The following XDH variants were observed in gnomAD, a reference collection of about 807,000 sequenced individuals.
XDH encodes xanthine dehydrogenase, also known as xanthine dehydrogenase/oxidase.
In XDH, 138 loss-of-function variants were observed where a neutral mutation model predicts 156.1. That is an observed-to-expected ratio of 0.88 (90% CI 0.77 to 1.02). XDH has a LOEUF of 1.02. XDH is among the 50% of genes least tolerant of loss of function. The pLI, the probability that XDH is intolerant of heterozygous loss-of-function variation, is 0.00. For synonymous variants in XDH, 669 were observed against 625.7 expected (o/e 1.07, Z -1.03); for missense variants, 1,849 against 1,684.9 (o/e 1.10, Z -1.71).
chr2:31,354,206 A>C (rs1279559031), intron 24 of XDH, among the ~76,000 whole-genome samples: 2 of 152,212 alleles, frequency 1.3e-5, no homozygotes. Flanking sequence ...CAAGATTTCT[A>C]CCTCTACCTA....
intron 7 of XDH, 148 bp from the exon 8 acceptor site, chr2:31,388,045 A>G: frequency 9.0e-7 from 1 of 1,106,236 alleles, no homozygotes; most frequent in Non-Finnish European, 1.3e-6. Flanking sequence ...GGCAGGAATG[A>G]GAGAGTCTCA....
intron 9 of XDH, among the ~76,000 whole-genome samples, 173 bp downstream of exon 9, chr2:31,386,241 C>T (rs1385881505): frequency 2.0e-5 from 3 of 152,126 alleles, no homozygotes; most frequent in Non-Finnish European, 4.4e-5. Flanking sequence ...CAGCTAGGGG[C>T]CTTTGCAGGA....
chr2:31,387,706 A>C (rs1487031923), intron 8 of XDH, 105 bp downstream of exon 8: 1 of 1,106,236 alleles, frequency 9.0e-7, no homozygotes, highest in Non-Finnish European at 1.3e-6. Flanking sequence ...CTGAAACATA[A>C]AGGACAAGAA....
At chr2:31,397,567 T>C (rs1177781410) in intron 6 of XDH, 101 bp downstream of exon 6, 4 of 1,392,516 alleles carry the variant, frequency 2.9e-6, no homozygotes, top group Admixed American at 1.7e-5. Flanking sequence ...CTTATCATCA[T>C]TGTTTGTAGA....
At chr2:31,367,113 G>A in intron 20 of XDH, 119 bp from the exon 21 acceptor site, 1 of 1,532,392 alleles carries the variant, frequency 6.5e-7, no homozygotes. Context: ...TACCTGAGGG[G>A]TAACCTCAAG....
intron 9 of XDH, chr2:31,384,304 G>C (rs988361935): frequency 5.5e-6 from 1 of 181,086 alleles, no homozygotes; most frequent in African/African-American, 2.4e-5. Context: ...GCACAGAAAA[G>C]TTAAGTTTCT....
chr2:31,365,580 C>A (rs1266888080), intron 22 of XDH, 36 bp from the exon 23 acceptor site: 1 of 1,609,786 alleles, frequency 6.2e-7, no homozygotes, highest in South Asian at 1.1e-5. Context: ...GCCTGTGAGC[C>A]TTCAACAGCA....
chr2:31,377,044 A>C lies in XDH; in HGVS notation c.1427+9T>G. ...TTAGCAGCAGTTTCATTGTGCTGTT[A>C]GCTCTTACTTGGAAAGCTGCCTCTG... On this transcript the variant is annotated intron_variant, in intron 14 of 35. Transcript: ENST00000379416. 6.2e-7 allele frequency: 1 copy of C among 1,614,144 alleles called. No homozygotes were observed. Among genetic ancestry groups the C allele is most frequent in the South Asian group, 1.1e-5 (1 of 91,086 alleles).
chr2:31,358,786 A>C (rs1379680835), intron 24 of XDH, among the ~76,000 whole-genome samples: 1 of 152,154 alleles, frequency 6.6e-6, no homozygotes, highest in Non-Finnish European at 1.5e-5. Context: ...TACAAAAAAC[A>C]AACAAACAAA....
intron 29 of XDH, 21 bp downstream of exon 29, chr2:31,347,501 G>A (rs1305206079): frequency 6.8e-6 from 11 of 1,612,966 alleles, no homozygotes; most frequent in South Asian, 4.4e-5. Flanking sequence ...TCTGCTCTGC[G>A]GGATCCCATG....
At chr2:31,373,474 C>T (rs993082913) in intron 16 of XDH, among the ~76,000 whole-genome samples, 3 of 152,170 alleles carry the variant, frequency 2.0e-5, no homozygotes, top group Admixed American at 2.0e-4. Context: ...AAAATGTTTT[C>T]AGGAAAAGTT....
chr2:31,373,118 G>C lies in XDH; in HGVS notation c.1687-721C>G, dbSNP rs957990894. Among the ~76,000 whole-genome samples the C allele has an allele frequency of 6.6e-5, 10 of 152,212 alleles. No individual in the cohort carries two copies. The East Asian group carries it at 1.9e-3, about 29-fold the overall frequency. ...ATCCTCAAAACCATCTTATGAAACA[G>C]GTATGTGATTATCCACATTTGCAGG... is the stretch of plus-strand genomic sequence containing the variant. On this transcript the variant is annotated intron_variant, in intron 16 of 35. Coordinates refer to ENST00000379416, the MANE Select transcript of XDH (RefSeq NM_000379.4).
chr2:31,388,137 C>G, intron 7 of XDH, 90 bp downstream of exon 7: 1 of 1,456,488 alleles, frequency 6.9e-7, no homozygotes, highest in Non-Finnish European at 9.6e-7. Flanking sequence ...CCTCTTCCAG[C>G]CCCCACCGCC....
chr2:31,364,276 A>C lies in XDH; in HGVS notation c.2545-32T>G, dbSNP rs6760292. The C allele has an allele frequency of 1.9e-3, 2,998 of 1,609,196 alleles. 50 individuals are homozygous for C. The African/African-American group carries it at 0.036, about 19-fold the overall frequency. On this transcript the variant is annotated intron_variant, in intron 23 of 35. Transcript: ENST00000379416. ...AAAGGAGAAAGGAGAGGGATTTATCATAAGTCCCGTTTCCCCCACCTCTCT... is the reference window on the plus strand; with the variant it reads ...AAAGGAGAAAGGAGAGGGATTTATCCTAAGTCCCGTTTCCCCCACCTCTCT...
rs1416637651 is a variant in XDH at position 31,339,540 on chromosome 2, C to A, written c.3723G>T (p.Arg1241Ser). The A allele has an allele frequency of 1.9e-6, 3 of 1,614,052 alleles. No individual in the cohort carries two copies. The highest frequency in any genetic ancestry group is 2.5e-6 in the Non-Finnish European group (3 of 1,180,050). The change falls in exon 34 of 36, where the codon AGG becomes AGT. Residue 1241 changes from arginine to serine, a missense_variant. Transcript: ENST00000379416. Reference protein sequence around the residue: ...PAFGSIPIEFRVSLLRDCPNK... With the variant: ...PAFGSIPIEFSVSLLRDCPNK... ...TGGGGCAGTCGCGGAGCAGGGACAC[C>A]CTGAACTCAATGGGGATGCTGCCAA...
chr2:31,385,522 TAGA>T (rs1266209402), intron 9 of XDH, among the ~76,000 whole-genome samples: 1 of 152,154 alleles, frequency 6.6e-6, no homozygotes, highest in African/African-American at 2.4e-5. Flanking sequence ...CCTGACTGCT[TAGA>T]AGGAGAGCAT....
chr2:31,390,655 C>T (rs1686737653), intron 6 of XDH, among the ~76,000 whole-genome samples: 1 of 152,222 alleles, frequency 6.6e-6, no homozygotes, highest in Admixed American at 6.5e-5. Context: ...TGTTGCCCCA[C>T]ATCCTCACCA....
chr2:31,404,783 T>C (rs1283770257), intron 2 of XDH, among the ~76,000 whole-genome samples: 3 of 152,134 alleles, frequency 2.0e-5, no homozygotes, highest in Non-Finnish European at 2.9e-5. Context: ...AACCTCCAGA[T>C]ACACCCACTT....
chr2:31,377,031 T>C (rs1417330076), intron 14 of XDH, 22 bp downstream of exon 14: 32 of 1,613,950 alleles, frequency 2.0e-5, no homozygotes, highest in Non-Finnish European at 2.7e-5. Context: ...AGCAGCAGTT[T>C]CATTGTGCTG....
Sources: allele counts gnomAD v4.1 joint callset (sites outside exome capture counted in the v4.1 genomes callset), GRCh38; gene constraint gnomAD v4.1.1; transcripts MANE v1.5; gene names NCBI Gene and HGNC (gene_info 2026-07-23, HGNC 2026-07-21).